Variants in DIAPH2 observed in about 807,000 individuals in gnomAD.
The protein encoded by DIAPH2 is protein diaphanous homolog 2.
In DIAPH2, 35 loss-of-function variants were observed where a neutral mutation model predicts 92.7. The ratio of observed to expected loss-of-function variants is 0.38; its 90% CI spans 0.29 to 0.50. The LOEUF (loss-of-function observed/expected upper bound fraction) is 0.50, where lower values mean the gene tolerates loss of function less well. Among genes scored for constraint, DIAPH2 ranks in the 20% least tolerant of loss-of-function variants. The pLI is 0.94. For synonymous variants in DIAPH2, 301 were observed against 280.4 expected (o/e 1.07, Z -0.73); for missense variants, 701 against 819.5 (o/e 0.86, Z 1.77).
chrX:97,096,801 T>A (rs1056487624), intron 19 of DIAPH2, among the ~76,000 whole-genome samples: 1 of 111,798 alleles, frequency 8.9e-6, no homozygotes, highest in Non-Finnish European at 1.9e-5. Flanking sequence ...TGGAATCACA[T>A]CCAAAAAACA....
intron 19 of DIAPH2, among the ~76,000 whole-genome samples, chrX:97,090,683 G>A (rs776730294): frequency 2.4e-4 from 27 of 111,204 alleles, no homozygotes; most frequent in Non-Finnish European, 4.9e-4. Flanking sequence ...ATTAAAGGAA[G>A]GCTAAGTCCC....
At chrX:97,216,817 A>G (rs2067887506) in intron 22 of DIAPH2, among the ~76,000 whole-genome samples, 1 of 111,507 alleles carries the variant, frequency 9.0e-6, no homozygotes, top group African/African-American at 3.3e-5. Flanking sequence ...GAAATGTCAA[A>G]CACTTTTATT....
At chrX:97,070,826 C>A (rs891935103) in intron 17 of DIAPH2, among the ~76,000 whole-genome samples, 5 of 111,464 alleles carry the variant, frequency 4.5e-5, no homozygotes, top group Non-Finnish European at 9.4e-5. Flanking sequence ...TTTAGGGCAT[C>A]TAATCTTAAT....
At chrX:96,796,957 C>G (rs935881523) in intron 4 of DIAPH2, among the ~76,000 whole-genome samples, 1 of 111,563 alleles carries the variant, frequency 9.0e-6, no homozygotes, top group Non-Finnish European at 1.9e-5. Flanking sequence ...GAAGAATTTT[C>G]TTTAAGTATT....
chrX:97,004,712 G>A (rs232363), intron 17 of DIAPH2, among the ~76,000 whole-genome samples: 5,307 of 111,719 alleles, frequency 0.048, 327 homozygotes, highest in African/African-American at 0.17. Context: ...GAGTCATTAG[G>A]TTTTTCCAAA....
intron 25 of DIAPH2, among the ~76,000 whole-genome samples, chrX:97,414,867 A>C (rs1386641336): frequency 9.0e-6 from 1 of 111,531 alleles, no homozygotes; most frequent in Non-Finnish European, 1.9e-5. Context: ...GGATCTAATT[A>C]AACTAAAGTG....
intron 4 of DIAPH2, among the ~76,000 whole-genome samples, chrX:96,879,921 G>A (rs1319482391): frequency 9.0e-6 from 1 of 111,066 alleles, no homozygotes; most frequent in Non-Finnish European, 1.9e-5. Context: ...TAGAGATGGA[G>A]TTTCACCACA....
intron 23 of DIAPH2, among the ~76,000 whole-genome samples, chrX:97,275,076 A>G (rs997852191): frequency 8.9e-6 from 1 of 112,043 alleles, no homozygotes; most frequent in African/African-American, 3.2e-5. Flanking sequence ...TGATTTCTCT[A>G]TCTTTTCCCC....
intron 26 of DIAPH2, among the ~76,000 whole-genome samples, chrX:97,459,283 T>C (rs1248366756): frequency 8.9e-6 from 1 of 112,174 alleles, no homozygotes; most frequent in African/African-American, 3.2e-5. Context: ...GTGCTATAGT[T>C]ATAGCAAACA....
At chrX:97,269,863 C>CT (rs763884503) in intron 23 of DIAPH2, among the ~76,000 whole-genome samples, 2 of 109,737 alleles carry the variant, frequency 1.8e-5, no homozygotes, top group East Asian at 5.7e-4. Flanking sequence ...AGCGATTCTC[C>CT]TGCCTCAGCC....
At chrX:96,706,849 A>G (rs948890837) in intron 1 of DIAPH2, among the ~76,000 whole-genome samples, 2 of 111,678 alleles carry the variant, frequency 1.8e-5, no homozygotes, top group Non-Finnish European at 3.8e-5. Context: ...ATTACATATC[A>G]GTGAATGTAG....
chrX:96,796,722 T>C (rs939795117), intron 4 of DIAPH2, among the ~76,000 whole-genome samples: 3 of 112,029 alleles, frequency 2.7e-5, no homozygotes, highest in Non-Finnish European at 5.6e-5. Flanking sequence ...TCCTTATGTT[T>C]GCACCCCCAT....
intron 24 of DIAPH2, among the ~76,000 whole-genome samples, chrX:97,366,099 T>C (rs1452533438): frequency 1.8e-5 from 2 of 112,282 alleles, no homozygotes; most frequent in African/African-American, 3.2e-5. Context: ...GTCTCACTTA[T>C]CTTTGAATTT....
At chrX:96,933,124 G>A (rs1273371399) in intron 10 of DIAPH2, among the ~76,000 whole-genome samples, 1 of 109,708 alleles carries the variant, frequency 9.1e-6, no homozygotes, top group Admixed American at 9.8e-5. Flanking sequence ...AGACAGTAGA[G>A]CTAAATATGA....
At chrX:97,368,340 G>T in intron 24 of DIAPH2, among the ~76,000 whole-genome samples, 1 of 111,248 alleles carries the variant, frequency 9.0e-6, no homozygotes. Context: ...TCCATCTTTT[G>T]TTCATGGTTT....
chrX:97,219,875 G>A (rs1262370451), intron 22 of DIAPH2, among the ~76,000 whole-genome samples: 4 of 111,623 alleles, frequency 3.6e-5, no homozygotes, highest in Admixed American at 9.6e-5. Context: ...TAGATTTAGC[G>A]TCTGCAAAAT....
chrX:97,594,861 G>C (rs2071540620), intron 26 of DIAPH2, among the ~76,000 whole-genome samples: 1 of 111,880 alleles, frequency 8.9e-6, no homozygotes, highest in Non-Finnish European at 1.9e-5. Flanking sequence ...AAGCACCATA[G>C]GGAAAGAAAC....
intron 17 of DIAPH2, among the ~76,000 whole-genome samples, chrX:96,987,776 G>C (rs932952108): frequency 8.1e-5 from 9 of 110,843 alleles, no homozygotes; most frequent in Non-Finnish European, 1.7e-4. Context: ...AAAAGATCCA[G>C]TCAACTTTGG....
chrX:97,240,470 G>A (rs989833132), intron 22 of DIAPH2, among the ~76,000 whole-genome samples: 2 of 110,243 alleles, frequency 1.8e-5, no homozygotes, highest in Non-Finnish European at 3.8e-5. Context: ...GCCGGGCGTG[G>A]TGGCGGGCGC....
Sources: allele counts gnomAD v4.1 joint callset (sites outside exome capture counted in the v4.1 genomes callset), GRCh38; gene constraint gnomAD v4.1.1; transcripts MANE v1.5; gene names NCBI Gene and HGNC (gene_info 2026-07-23, HGNC 2026-07-21).